TNR: variants seen among roughly 807,000 people sequenced by gnomAD.
TNR encodes tenascin R, also known as tenascin-R.
In TNR, 45 loss-of-function variants were observed where a neutral mutation model predicts 150.4. That is an observed-to-expected ratio of 0.30 (90% CI 0.24 to 0.38). The LOEUF is 0.38. Ranked by LOEUF, TNR falls within the 10% of genes least tolerant of loss-of-function variation. TNR has a pLI of 1.00. For synonymous variants in TNR, 687 were observed against 678.4 expected (o/e 1.01, Z -0.20); for missense variants, 1,544 against 1,759.1 (o/e 0.88, Z 2.19).
intron 1 of TNR, among the ~76,000 whole-genome samples, chr1:175,719,819 C>T (rs1646303674): frequency 6.6e-6 from 1 of 152,214 alleles, no homozygotes. Context: ...CCTCCCCATT[C>T]TTCAAACCAG....
intron 1 of TNR, among the ~76,000 whole-genome samples, chr1:175,724,360 G>A (rs1558092119): frequency 6.6e-6 from 1 of 152,138 alleles, no homozygotes. Context: ...AGAAGGGACA[G>A]GTGCTACATA....
intron 2 of TNR, among the ~76,000 whole-genome samples, chr1:175,465,883 C>T (rs544849919): frequency 1.3e-4 from 20 of 152,328 alleles, no homozygotes; most frequent in African/African-American, 4.6e-4. Flanking sequence ...GTTGATATAA[C>T]ATTCTTGGGG....
At chr1:175,335,640 G>T in intron 20 of TNR, 71 bp downstream of exon 20, 1 of 1,440,480 alleles carries the variant, frequency 6.9e-7, no homozygotes, top group Non-Finnish European at 9.6e-7. Flanking sequence ...ATCTCAGATG[G>T]ACACAAAAAG....
intron 1 of TNR, among the ~76,000 whole-genome samples, chr1:175,644,367 G>A (rs115975368): frequency 1.4e-3 from 209 of 152,300 alleles, no homozygotes; most frequent in Non-Finnish European, 2.3e-3. Context: ...CTTGATGTGA[G>A]CTATATTATA....
At chr1:175,381,189 C>A (rs1652660610) in intron 8 of TNR, among the ~76,000 whole-genome samples, 1 of 152,228 alleles carries the variant, frequency 6.6e-6, no homozygotes, top group South Asian at 2.1e-4. Flanking sequence ...TGTGGAGGAA[C>A]ACCTGCCCCT....
intron 1 of TNR, among the ~76,000 whole-genome samples, chr1:175,630,601 A>G (rs1429354512): frequency 6.6e-6 from 1 of 152,182 alleles, no homozygotes; most frequent in East Asian, 1.9e-4. Flanking sequence ...TTTAGCAAAT[A>G]GAAGAGTTTG....
chr1:175,697,358 T>C (rs529042019), intron 1 of TNR, among the ~76,000 whole-genome samples: 18 of 151,500 alleles, frequency 1.2e-4, no homozygotes, highest in Non-Finnish European at 2.4e-4. Context: ...TTTTTTTTTT[T>C]TCTTTCTTTC....
At chr1:175,682,286 G>A (rs147915073) in intron 1 of TNR, among the ~76,000 whole-genome samples, 159 of 152,216 alleles carry the variant, frequency 1.0e-3, no homozygotes, top group African/African-American at 3.4e-3. Flanking sequence ...GAGCTTCCCC[G>A]GGCCCAGGTG....
At position 175,444,575 on chromosome 1, in the gene TNR, C is replaced by A. The variant is rs139642797; in HGVS notation, c.-63-37798G>T. ...ACCACATCCCAGAATTAACAAATACCATGGTTTATTCACTCATTCATTCAA... is the reference window on the plus strand; with the variant it reads ...ACCACATCCCAGAATTAACAAATACAATGGTTTATTCACTCATTCATTCAA... On this transcript the variant is annotated intron_variant, in intron 2 of 22. Transcript: ENST00000367674. Among the ~76,000 whole-genome samples the A allele has an allele frequency of 1.1e-3, 165 of 152,296 alleles. 2 individuals carry two copies. Among genetic ancestry groups the A allele is most frequent in the Middle Eastern group, 3.4e-3 (1 of 294 alleles).
rs116532757 is a variant in TNR, at chr1:175,380,780, G to A, written c.1778-1043C>T. Among the ~76,000 whole-genome samples, 130 of 152,244 alleles carry A rather than the reference G, an allele frequency of 8.5e-4. No individual in the cohort carries two copies. In the East Asian group the frequency reaches 0.018, roughly 21 times the overall value. ...CATAAACAACTTGCAGTGCAATAAC[G>A]TGCTGCCCGGAACAACTGTCACTTA... is the stretch of plus-strand genomic sequence containing the variant. On this transcript the variant is annotated intron_variant, in intron 8 of 22. Transcript: ENST00000367674.
At chr1:175,677,940 G>C (rs1442047892) in intron 1 of TNR, among the ~76,000 whole-genome samples, 2 of 152,078 alleles carry the variant, frequency 1.3e-5, no homozygotes, top group Admixed American at 6.6e-5. Context: ...AGGGGGCTAG[G>C]AGTAAGTGCC....
At position 175,451,215 on chromosome 1, in the gene TNR, TTAATGTTTTTA is replaced by T. The variant is rs778935660; in HGVS notation, c.-63-44449_-63-44439del. On this transcript the variant is annotated intron_variant, in intron 2 of 22. Transcript: ENST00000367674. ...AAAGCACCTGGTTAGTTTTTTTTTT[TTAATGTTTTTA>T]TTTTTTTATTATACTTTAAGTTCTA... Among the ~76,000 whole-genome samples, 350 of 123,562 alleles carry T rather than the reference TTAATGTTTTTA, an allele frequency of 2.8e-3. 3 individuals carry two copies. The highest frequency in any genetic ancestry group is 4.5e-3 in the Middle Eastern group (1 of 222). The allele number at this position is 123,562 out of a possible 152,430, so 81.1% of individuals were successfully genotyped here. A position where few individuals can be genotyped will look rare whatever the true frequency, so the allele number is the denominator to read the frequency against.
At chr1:175,537,344 G>T (rs1283346490) in intron 1 of TNR, among the ~76,000 whole-genome samples, 1 of 152,204 alleles carries the variant, frequency 6.6e-6, no homozygotes, top group African/African-American at 2.4e-5. Flanking sequence ...TTGCCCGGGT[G>T]TGGACCTAGG....
Position 175,406,285 on chromosome 1 carries a change from G to A in TNR, c.430C>T (p.Leu144=). 4.3e-6 allele frequency: 7 copies of A among 1,614,142 alleles called. No homozygotes were observed. The highest frequency in any genetic ancestry group is 5.9e-6 in the Non-Finnish European group (7 of 1,180,026). The change falls in exon 3 of 23, where the codon CTG becomes TTG. Residue 144 remains leucine, a synonymous_variant. Coordinates refer to ENST00000367674, the MANE Select transcript of TNR (RefSeq NM_003285.3). ...LQELLSRIEM[L]EREVSVLRDQ... is the part of the protein sequence containing the mutation. Reference sequence around the variant, plus strand: ...CGCAGCACCGACACCTCCCTCTCCAGCATCTCGATCCGGCTCAGCAGCTCC... The same window carrying A: ...CGCAGCACCGACACCTCCCTCTCCAACATCTCGATCCGGCTCAGCAGCTCC...
intron 1 of TNR, among the ~76,000 whole-genome samples, chr1:175,641,057 G>T (rs1232572100): frequency 2.0e-5 from 3 of 151,940 alleles, no homozygotes; most frequent in Non-Finnish European, 2.9e-5. Context: ...TGTTGATATT[G>T]TACCTCGATA....
chr1:175,486,284 C>T (rs1557963052), intron 2 of TNR, among the ~76,000 whole-genome samples: 1 of 151,916 alleles, frequency 6.6e-6, no homozygotes, highest in Non-Finnish European at 1.5e-5. Flanking sequence ...ATCCCCCCAC[C>T]CCTCGACAGG....
chr1:175,493,871 C>CTT (rs1263161084), intron 2 of TNR, among the ~76,000 whole-genome samples: 1 of 152,184 alleles, frequency 6.6e-6, no homozygotes, highest in African/African-American at 2.4e-5. Context: ...GAAACACACT[C>CTT]TGTGTACTTG....
At position 175,615,811 on chromosome 1, in the gene TNR, C is replaced by T. The variant is rs567764643; in HGVS notation, c.-164-87442G>A. 4.2e-4 allele frequency among the ~76,000 whole-genome samples: 64 copies of T among 152,302 alleles called. 1 individual carries two copies. The South Asian group carries it at 0.013, about 32-fold the overall frequency. ...GTCTGCATCACAAACATAGCTTGCA[C>T]CTTTCAGTTAGGCTTCTAAAACATC... On this transcript the variant is annotated intron_variant, in intron 1 of 22. Transcript: ENST00000367674.
At chr1:175,688,662 A>G (rs1336968242) in intron 1 of TNR, among the ~76,000 whole-genome samples, 1 of 152,226 alleles carries the variant, frequency 6.6e-6, no homozygotes, top group Non-Finnish European at 1.5e-5. Flanking sequence ...CTTTGCCACT[A>G]GCAATCCCTA....
Sources: gnomAD v4.1 joint callset for allele counts (sites outside exome capture counted in the v4.1 genomes callset) on GRCh38, gnomAD v4.1.1 for gene constraint, MANE v1.5 for transcripts, NCBI Gene and HGNC (gene_info 2026-07-23, HGNC 2026-07-21) for gene names.